The following CCDC117 variants were observed in gnomAD, a reference collection of about 807,000 sequenced individuals.
CCDC117 encodes the protein coiled-coil domain-containing protein 117.
Under a neutral mutation model 23.5 loss-of-function variants are expected in CCDC117, and 1 was observed. The ratio of observed to expected loss-of-function variants is 0.04; its 90% CI spans 0.02 to 0.20. CCDC117 has a LOEUF of 0.20. Among genes scored for constraint, CCDC117 ranks in the 10% least tolerant of loss-of-function variants. The pLI is 1.00. For synonymous variants in CCDC117, 132 were observed against 124.8 expected (o/e 1.06, Z -0.39); for missense variants, 383 against 348.2 (o/e 1.10, Z -0.80).
In CCDC117 at chr22:28,781,646, C is replaced by T. The variant is rs1316784670; in HGVS notation, c.464+474C>T. On this transcript the variant is annotated intron_variant, in intron 3 of 4. Transcript: ENST00000249064. Reference sequence around the variant, plus strand: ...GATTACAGGCGTGAGCCACCGCACCCGGCCTGTTTTGTTTTTTAGATGGAG... The same window carrying T: ...GATTACAGGCGTGAGCCACCGCACCTGGCCTGTTTTGTTTTTTAGATGGAG... Among the ~76,000 whole-genome samples the T allele has an allele frequency of 5.6e-5, 3 of 53,298 alleles. 1 individual carries two copies. The highest frequency in any genetic ancestry group is 2.0e-4 in the African/African-American group (1 of 5,032). The allele number at this position is 53,298 out of a possible 152,430, so 35.0% of individuals were successfully genotyped here.
chr22:28,780,937 C>G lies in CCDC117; in HGVS notation c.240-11C>G, dbSNP rs56386420. Reference sequence around the variant, plus strand: ...TTGGGATTTTCATTGAATTTTTTTTCTTTTTTTCAGTTGTCCAGTAAGAAA... The same window carrying G: ...TTGGGATTTTCATTGAATTTTTTTTGTTTTTTTCAGTTGTCCAGTAAGAAA... On this transcript the variant is annotated splice_polypyrimidine_tract_variant and intron_variant, in intron 2 of 4. Coordinates refer to ENST00000249064, the MANE Select transcript of CCDC117 (RefSeq NM_173510.4). The G allele has an allele frequency of 6.3e-7, 1 of 1,577,520 alleles. No individual in the cohort carries two copies. The highest frequency in any genetic ancestry group is 1.1e-5 in the South Asian group (1 of 87,276).
chr22:28,782,756 G>A (rs2031389346), intron 3 of CCDC117, among the ~76,000 whole-genome samples: 1 of 152,002 alleles, frequency 6.6e-6, no homozygotes, highest in Non-Finnish European at 1.5e-5. Flanking sequence ...ATATTTAGTA[G>A]AGACAGGGTT....
At chr22:28,784,717 C>CT (rs1190313725) in intron 4 of CCDC117, among the ~76,000 whole-genome samples, 1 of 152,172 alleles carries the variant, frequency 6.6e-6, no homozygotes, top group Non-Finnish European at 1.5e-5. Flanking sequence ...AAATATAGCA[C>CT]TTTCTGCTTT....
chr22:28,774,920 C>T (rs535181871), intron 2 of CCDC117, among the ~76,000 whole-genome samples: 2 of 152,258 alleles, frequency 1.3e-5, no homozygotes, highest in East Asian at 3.9e-4. Flanking sequence ...TCTTCTGTAG[C>T]TTGTTGCATA....
chr22:28,773,015 G>A lies in CCDC117; in HGVS notation c.166G>A (p.Gly56Arg). 8.4e-7 allele frequency: 1 copy of A among 1,186,678 alleles called. No homozygotes were observed. Among genetic ancestry groups the A allele is most frequent in the Non-Finnish European group, 1.0e-6 (1 of 958,830 alleles). The allele number at this position is 1,186,678 out of a possible 1,614,324, so 73.5% of individuals were successfully genotyped here. ...GPRAVPSSPA[G>R]SAARGRVSVH... ...TCGCGCAGTCCCTAGCAGTCCCGCTGGGAGTGCGGCGCGCGGACGGTGAGG... is the reference window on the plus strand; with the variant it reads ...TCGCGCAGTCCCTAGCAGTCCCGCTAGGAGTGCGGCGCGCGGACGGTGAGG... The change falls in exon 1 of 5, where the codon GGG (glycine) becomes AGG (arginine). Residue 56 changes from glycine (G) to arginine (R), a missense_variant. Gly to Arg is a moderately radical substitution (Grantham distance 125). Coordinates refer to ENST00000249064, the MANE Select transcript of CCDC117 (RefSeq NM_173510.4).
intron 3 of CCDC117, among the ~76,000 whole-genome samples, chr22:28,781,426 C>T (rs575375433): frequency 2.3e-5 from 1 of 43,988 alleles, no homozygotes; most frequent in Admixed American, 2.3e-4. Context: ...TCTCGGCTCA[C>T]TGCAAGCTCC....
In CCDC117 at chr22:28,786,462, G is replaced by A; in HGVS notation, c.*136G>A. On this transcript the variant is annotated 3_prime_UTR_variant, in exon 5 of 5. Transcript: ENST00000249064. ...TATCTCCACCTGTGATTTGGGGGTGGGACTCTTATTTTGGGTAGCCATTTA... is the reference window on the plus strand; with the variant it reads ...TATCTCCACCTGTGATTTGGGGGTGAGACTCTTATTTTGGGTAGCCATTTA... The A allele has an allele frequency of 4.9e-6, 3 of 614,022 alleles. No individual in the cohort carries two copies. The highest frequency in any genetic ancestry group is 8.3e-6 in the Non-Finnish European group (3 of 362,766). 38.0% of individuals were successfully genotyped at this position (614,022 alleles called of 1,614,324 possible).
chr22:28,783,701 G>T, intron 4 of CCDC117, 56 bp downstream of exon 4: 1 of 1,536,096 alleles, frequency 6.5e-7, no homozygotes, highest in South Asian at 1.1e-5. Flanking sequence ...AAGACCCAAT[G>T]TCTAGATTCT....
At chr22:28,780,261 G>A (rs2031280416) in intron 2 of CCDC117, among the ~76,000 whole-genome samples, 1 of 152,158 alleles carries the variant, frequency 6.6e-6, no homozygotes, top group South Asian at 2.1e-4. Flanking sequence ...CCCCACTATT[G>A]GTTGGACACT....
At chr22:28,781,881 G>C (rs1185783620) in intron 3 of CCDC117, among the ~76,000 whole-genome samples, 1 of 151,484 alleles carries the variant, frequency 6.6e-6, no homozygotes, top group Non-Finnish European at 1.5e-5. Flanking sequence ...GACCTCAGGT[G>C]ATCCCCCTGT....
chr22:28,774,413 C>T (rs2146243741), intron 2 of CCDC117, among the ~76,000 whole-genome samples: 1 of 150,502 alleles, frequency 6.6e-6, no homozygotes, highest in South Asian at 2.1e-4. Context: ...CTCTGTCACC[C>T]AAGCTGGAGT....
At position 28,777,071 on chromosome 22, in the gene CCDC117, G is replaced by C. The variant is rs146052218; in HGVS notation, c.239+3293G>C. Among the ~76,000 whole-genome samples the C allele has an allele frequency of 3.8e-3, 503 of 132,130 alleles. 3 individuals carry two copies. The highest frequency in any genetic ancestry group is 5.6e-3 in the Non-Finnish European group (361 of 64,956). The allele number at this position is 132,130 out of a possible 152,430, so 86.7% of individuals were successfully genotyped here. On this transcript the variant is annotated intron_variant, in intron 2 of 4. Coordinates refer to ENST00000249064, the MANE Select transcript of CCDC117 (RefSeq NM_173510.4). The stretch of plus-strand genomic sequence containing the variant: ...TTTTTTTGAGATGGCATCTTGCTCT[G>C]TTGTCCAGGCTGGAGTGCAGTGGCG...
At position 28,786,428 on chromosome 22, in the gene CCDC117, G is replaced by T; in HGVS notation, c.*102G>T. 6.7e-6 allele frequency: 5 copies of T among 742,522 alleles called. No homozygotes were observed. The South Asian group carries it at 9.9e-5, about 15-fold the overall frequency. The allele number at this position is 742,522 out of a possible 1,614,324, so 46.0% of individuals were successfully genotyped here. On this transcript the variant is annotated 3_prime_UTR_variant, in exon 5 of 5. Transcript: ENST00000249064. ...GGGACTTGAAAGTTTTATGAGACGG[G>T]TGTAATAATATCTCCACCTGTGATT...
At chr22:28,780,408 C>G (rs1178143579) in intron 2 of CCDC117, among the ~76,000 whole-genome samples, 1 of 152,176 alleles carries the variant, frequency 6.6e-6, no homozygotes, top group African/African-American at 2.4e-5. Flanking sequence ...AGACCATCTT[C>G]CTATATGTTT....
chr22:28,778,155 C>T (rs2031224205), intron 2 of CCDC117, among the ~76,000 whole-genome samples: 2 of 152,120 alleles, frequency 1.3e-5, no homozygotes, highest in African/African-American at 2.4e-5. Context: ...TGAGCCACCA[C>T]GTCCTGCCAG....
At position 28,772,992 on chromosome 22, in the gene CCDC117, G is replaced by C; in HGVS notation, c.143G>C (p.Arg48Pro). 1.7e-6 allele frequency: 2 copies of C among 1,197,658 alleles called. No homozygotes were observed. The highest frequency in any genetic ancestry group is 8.2e-5 in the South Asian group (2 of 24,384). 74.2% of individuals were successfully genotyped at this position (1,197,658 alleles called of 1,614,324 possible). ...GAELAPRPGPRAVPSSPAGSA... is the reference protein window; with the variant it reads ...GAELAPRPGPPAVPSSPAGSA... ...GAGTTGGCCCCGCGGCCGGGACCTC[G>C]CGCAGTCCCTAGCAGTCCCGCTGGG... Residue 48 changes from arginine to proline, a missense_variant, in exon 1 of 5, where the codon CGC (arginine) becomes CCC (proline). Transcript: ENST00000249064.
chr22:28,786,084 CT>C lies in CCDC117; in HGVS notation c.603-3del. The C allele has an allele frequency of 6.3e-7, 1 of 1,596,122 alleles. No individual in the cohort carries two copies. ...TTTGATAAAAGTCTGTATTTTATGTCTTAGGAGCCGTCCTTCCATGGAGCTT... is the reference window on the plus strand; with the variant it reads ...TTTGATAAAAGTCTGTATTTTATGTCTAGGAGCCGTCCTTCCATGGAGCTT... On this transcript the variant is annotated splice_region_variant and splice_polypyrimidine_tract_variant and intron_variant, in intron 4 of 4. Transcript: ENST00000249064.
intron 3 of CCDC117, among the ~76,000 whole-genome samples, chr22:28,782,180 C>T (rs149862218): frequency 0.037 from 5,602 of 151,438 alleles, 159 homozygotes; most frequent in East Asian, 0.085. Context: ...TCGAGCAAGC[C>T]GCCTGCCTCG....
intron 2 of CCDC117, among the ~76,000 whole-genome samples, chr22:28,779,906 C>T (rs1439078889): frequency 6.6e-6 from 1 of 152,134 alleles, no homozygotes; most frequent in African/African-American, 2.4e-5. Context: ...AGAACAGGGC[C>T]GATTGACTAT....
Sources: gnomAD v4.1 joint callset for allele counts (sites outside exome capture counted in the v4.1 genomes callset) on GRCh38, gnomAD v4.1.1 for gene constraint, MANE v1.5 for transcripts, NCBI Gene and HGNC (gene_info 2026-07-23, HGNC 2026-07-21) for gene names.